PRKN: variants seen among roughly 807,000 people sequenced by gnomAD.
PRKN encodes E3 ubiquitin-protein ligase parkin.
In PRKN, 56 loss-of-function variants were observed where a neutral mutation model predicts 59.5. The ratio of observed to expected loss-of-function variants is 0.94; its 90% CI spans 0.76 to 1.18. The LOEUF (loss-of-function observed/expected upper bound fraction) is 1.18. Ranked by LOEUF, PRKN falls within the 50% of genes most tolerant of loss-of-function variation. The probability of loss-of-function intolerance (pLI) is 0.00; values close to 1 mark genes in which losing one functional copy is unlikely to be tolerated. For missense variants in PRKN, 657 were observed against 596.4 expected (o/e 1.10, Z -1.06); for synonymous variants, 250 against 222.1 (o/e 1.13, Z -1.12).
chr6:161,566,798 C>T lies in PRKN; in HGVS notation c.933+2557G>A, dbSNP rs1258537275. On this transcript the variant is annotated intron_variant, in intron 8 of 11. Transcript: ENST00000366898. This position sits in a 1 kb window ranked among gnomAD's most constrained non-coding sequence, Gnocchi z 4.1. ...TCCTCCTCCCCTCCCCTCCACCAGT[C>T]ACACTTGTTTCTGGACTATTATGAA... Among the ~76,000 whole-genome samples, 1 of 152,140 alleles carries T rather than the reference C, an allele frequency of 6.6e-6. No individual in the cohort carries two copies. Among genetic ancestry groups the T allele is most frequent in the East Asian group, 1.9e-4 (1 of 5,178 alleles).
At chr6:161,927,238 T>C (rs548435682) in intron 6 of PRKN, among the ~76,000 whole-genome samples, 113 of 152,358 alleles carry the variant, frequency 7.4e-4, no homozygotes, top group African/African-American at 2.6e-3. Flanking sequence ...TACATGCTTT[T>C]ACTCATATAT....
chr6:161,685,043 T>G (rs139206857), intron 7 of PRKN, among the ~76,000 whole-genome samples: 27 of 151,796 alleles, frequency 1.8e-4, no homozygotes, highest in African/African-American at 5.1e-4. Context: ...TGAAAAACTC[T>G]TTTTTTTCCT....
chr6:161,994,221 C>A (rs1781756074), intron 5 of PRKN, among the ~76,000 whole-genome samples: 1 of 144,620 alleles, frequency 6.9e-6, no homozygotes, highest in Non-Finnish European at 1.5e-5. Flanking sequence ...TAATGAAGGA[C>A]ATATAGAAGC....
intron 2 of PRKN, among the ~76,000 whole-genome samples, chr6:162,357,146 C>T (rs560090512): frequency 6.6e-6 from 1 of 152,184 alleles, no homozygotes; most frequent in South Asian, 2.1e-4. Context: ...AAATTAAAGA[C>T]TTCTGCTCTG....
chr6:162,622,395 G>C lies in PRKN; in HGVS notation c.7+105267C>G, dbSNP rs958405903. 1.2e-4 allele frequency among the ~76,000 whole-genome samples: 18 copies of C among 151,708 alleles called. 1 individual carries two copies. Among genetic ancestry groups the C allele is most frequent in the African/African-American group, 4.4e-4 (18 of 41,328 alleles). On this transcript the variant is annotated intron_variant, in intron 1 of 11. Coordinates refer to ENST00000366898, the MANE Select transcript of PRKN (RefSeq NM_004562.3). Reference sequence around the variant, plus strand: ...GACGGGGTTTTGCAATGTTGGCCAGGTTGGTCTCCAACACCTCGCCTCAGG... The same window carrying C: ...GACGGGGTTTTGCAATGTTGGCCAGCTTGGTCTCCAACACCTCGCCTCAGG...
intron 7 of PRKN, among the ~76,000 whole-genome samples, chr6:161,687,859 C>T (rs886719323): frequency 6.6e-6 from 1 of 152,262 alleles, no homozygotes; most frequent in Admixed American, 6.5e-5. Flanking sequence ...AGCTGCAGTA[C>T]ACTCTGCTTT....
chr6:162,237,036 C>T (rs376712995), intron 3 of PRKN, among the ~76,000 whole-genome samples: 44 of 152,238 alleles, frequency 2.9e-4, no homozygotes, highest in African/African-American at 8.9e-4. Context: ...TCCCACTATT[C>T]GAATAGCCCA....
Position 161,973,486 on chromosome 6 carries a change from C to A in PRKN, c.619-69G>T, listed in dbSNP as rs1583425603. 5 of 832,076 alleles carry A rather than the reference C, an allele frequency of 6.0e-6. No homozygotes were observed. The East Asian group carries it at 1.2e-4, about 21-fold the overall frequency. The allele number at this position is 832,076 out of a possible 1,614,324, so 51.5% of individuals were successfully genotyped here. A position where few individuals can be genotyped will look rare whatever the true frequency, so the allele number is the denominator to read the frequency against. The stretch of plus-strand genomic sequence containing the variant: ...CTCATTTTTCCTCTAAATGTTTCCA[C>A]AGTAAACAATCTCTTTGGACAAGAG... On this transcript the variant is annotated intron_variant, in intron 5 of 11. Transcript: ENST00000366898.
At chr6:162,536,121 C>T (rs966710359) in intron 1 of PRKN, among the ~76,000 whole-genome samples, 7 of 152,088 alleles carry the variant, frequency 4.6e-5, no homozygotes, top group Non-Finnish European at 8.8e-5. Context: ...TAAGGCCAAA[C>T]CAAAGAGCCG....
intron 2 of PRKN, among the ~76,000 whole-genome samples, chr6:162,349,661 G>T (rs1025587090): frequency 1.3e-5 from 2 of 152,132 alleles, no homozygotes; most frequent in African/African-American, 2.4e-5. Context: ...TTCCAATAAT[G>T]AGAGGTGATG....
intron 1 of PRKN, among the ~76,000 whole-genome samples, chr6:162,488,056 G>A (rs568417298): frequency 7.8e-4 from 104 of 132,852 alleles, no homozygotes; most frequent in African/African-American, 2.3e-3. Context: ...TTTTTTTGGC[G>A]GAGGGTTAAA....
chr6:162,471,993 A>G (rs577842001), intron 1 of PRKN, among the ~76,000 whole-genome samples: 22 of 152,320 alleles, frequency 1.4e-4, no homozygotes, highest in Admixed American at 3.3e-4. Context: ...CCATAAGAAC[A>G]TTGAGAATAA....
chr6:162,165,209 C>G (rs1782924083), intron 4 of PRKN, among the ~76,000 whole-genome samples: 1 of 148,326 alleles, frequency 6.7e-6, no homozygotes, highest in Non-Finnish European at 1.5e-5. Context: ...ATGTGAATGC[C>G]AAAACTATGG....
Position 162,443,361 on chromosome 6 carries a change from CTGGT to C in PRKN, c.116_119del (p.Asp39GlyfsTer4). On this transcript the variant is annotated frameshift_variant, in exon 2 of 12. Transcript: ENST00000366898. LOFTEE classifies it high-confidence loss of function. ...CCTTCCCTGCGAAAATCACACGCAACTGGTCAGCCGGAACCCCCTGTCGCTTAGC... is the reference window on the plus strand; with the variant it reads ...CCTTCCCTGCGAAAATCACACGCAACCAGCCGGAACCCCCTGTCGCTTAGC... 1 of 1,613,524 alleles carries C rather than the reference CTGGT, an allele frequency of 6.2e-7. No individual in the cohort carries two copies. Among genetic ancestry groups the C allele is most frequent in the Non-Finnish European group, 8.5e-7 (1 of 1,180,028 alleles).
intron 6 of PRKN, among the ~76,000 whole-genome samples, chr6:161,891,712 A>C (rs1378995921): frequency 6.6e-6 from 1 of 152,228 alleles, no homozygotes; most frequent in Non-Finnish European, 1.5e-5. Flanking sequence ...AGACAAATAC[A>C]TCTTCATTCT....
chr6:162,474,245 T>A (rs1414573898), intron 1 of PRKN, among the ~76,000 whole-genome samples: 2 of 152,312 alleles, frequency 1.3e-5, no homozygotes, highest in East Asian at 3.9e-4. Flanking sequence ...GCATAATACA[T>A]CTTACTTCTT....
intron 1 of PRKN, among the ~76,000 whole-genome samples, chr6:162,680,866 T>A (rs1229807996): frequency 6.6e-6 from 1 of 152,170 alleles, no homozygotes; most frequent in Non-Finnish European, 1.5e-5. Flanking sequence ...AGGAGATATT[T>A]AATATAAACT....
chr6:161,696,471 G>T (rs1251073681), intron 7 of PRKN, among the ~76,000 whole-genome samples: 4 of 152,206 alleles, frequency 2.6e-5, no homozygotes, highest in Admixed American at 1.3e-4. Context: ...CAACATGCCA[G>T]ATGTCCAGTT....
At chr6:161,938,379 TAATA>T (rs1458014809) in intron 6 of PRKN, among the ~76,000 whole-genome samples, 1 of 152,184 alleles carries the variant, frequency 6.6e-6, no homozygotes, top group Non-Finnish European at 1.5e-5. Context: ...AGTCACAGAA[TAATA>T]AATAAGAGCA....
Sources: gnomAD v4.1 joint callset for allele counts (sites outside exome capture counted in the v4.1 genomes callset) on GRCh38, gnomAD v4.1.1 for gene constraint, Gnocchi (gnomAD v3.1) non-coding constraint, MANE v1.5 for transcripts, NCBI Gene and HGNC (gene_info 2026-07-23, HGNC 2026-07-21) for gene names.